The following EPHA6 variants were observed in gnomAD, a reference collection of about 807,000 sequenced individuals.
EPHA6 encodes EPH receptor A6, also known as ephrin type-A receptor 6.
A neutral mutation model predicts 112.0 loss-of-function variants in EPHA6; 50 were observed. The observed-to-expected ratio is 0.45, with a 90% CI of 0.36 to 0.56. The LOEUF (loss-of-function observed/expected upper bound fraction) is 0.56. Among genes scored for constraint, EPHA6 ranks in the 20% least tolerant of loss-of-function variants. EPHA6 has a pLI of 0.00. For synonymous variants in EPHA6, 529 were observed against 490.7 expected (o/e 1.08, Z -1.03); for missense variants, 1,280 against 1,417.4 (o/e 0.90, Z 1.56).
chr3:97,603,554 A>T (rs757444489), intron 12 of EPHA6, among the ~76,000 whole-genome samples: 1 of 151,898 alleles, frequency 6.6e-6, no homozygotes, highest in Non-Finnish European at 1.5e-5. Context: ...CATCATAGTG[A>T]CTATATAAAC....
intron 3 of EPHA6, among the ~76,000 whole-genome samples, chr3:96,996,662 C>T (rs2043435555): frequency 6.6e-6 from 1 of 152,040 alleles, no homozygotes; most frequent in Non-Finnish European, 1.5e-5. Context: ...AGCAGTAGGT[C>T]TCAACAGCAG....
chr3:96,880,162 AAAGAT>A (rs2037225801), intron 2 of EPHA6, among the ~76,000 whole-genome samples: 1 of 152,156 alleles, frequency 6.6e-6, no homozygotes. Context: ...ACCTCAAAGA[AAAGAT>A]AAATGTTTGA....
chr3:97,530,800 A>G (rs1267777182), intron 10 of EPHA6, among the ~76,000 whole-genome samples: 1 of 152,004 alleles, frequency 6.6e-6, no homozygotes, highest in East Asian at 1.9e-4. Flanking sequence ...TTTTGGAAGC[A>G]AAGTTACGCC....
At chr3:96,895,267 C>CA (rs2038204519) in intron 2 of EPHA6, among the ~76,000 whole-genome samples, 1 of 147,034 alleles carries the variant, frequency 6.8e-6, no homozygotes, top group African/African-American at 2.5e-5. Context: ...TAGTTTTTCA[C>CA]AAAAAATTAA....
At position 97,436,648 on chromosome 3, in the gene EPHA6, A is replaced by G. The variant is rs554156529; in HGVS notation, c.1732-11920A>G. Among the ~76,000 whole-genome samples, 11 of 152,302 alleles carry G rather than the reference A, an allele frequency of 7.2e-5. No individual in the cohort carries two copies. The South Asian group carries it at 2.3e-3, about 32-fold the overall frequency. On this transcript the variant is annotated intron_variant, in intron 6 of 17. Transcript: ENST00000389672. ...CAAATGATACTGTTTTTCAGTGAAG[A>G]CATTCTTGCAAAATAATTTTTCATG...
intron 3 of EPHA6, among the ~76,000 whole-genome samples, chr3:97,223,432 G>A (rs1156575559): frequency 6.6e-6 from 1 of 152,160 alleles, no homozygotes; most frequent in Non-Finnish European, 1.5e-5. Context: ...CTGAGTAAGA[G>A]CAAGTGTTAA....
At chr3:97,336,699 T>A (rs893955359) in intron 5 of EPHA6, among the ~76,000 whole-genome samples, 2 of 152,120 alleles carry the variant, frequency 1.3e-5, no homozygotes, top group Non-Finnish European at 2.9e-5. Flanking sequence ...AAGAATGAGA[T>A]CCAGGAATCA....
At chr3:97,663,970 A>G (rs916684856) in intron 14 of EPHA6, among the ~76,000 whole-genome samples, 58 of 152,228 alleles carry the variant, frequency 3.8e-4, no homozygotes, top group African/African-American at 1.3e-3. Flanking sequence ...AAGTGTTCCT[A>G]TTTCTCCACA....
chr3:97,077,851 T>C (rs1049532534), intron 3 of EPHA6, among the ~76,000 whole-genome samples: 5 of 152,194 alleles, frequency 3.3e-5, no homozygotes, highest in African/African-American at 7.2e-5. Flanking sequence ...TTGTAATAAA[T>C]ATATGTGTGC....
At chr3:97,276,389 G>A (rs189579545) in intron 5 of EPHA6, among the ~76,000 whole-genome samples, 238 of 152,172 alleles carry the variant, frequency 1.6e-3, no homozygotes, top group Middle Eastern at 6.8e-3. Context: ...GGCTTAGGAG[G>A]AATCCGGGGC....
At chr3:97,668,911 CAAAAAAA>C (rs397990599) in intron 14 of EPHA6, among the ~76,000 whole-genome samples, 33 of 31,910 alleles carry the variant, frequency 1.0e-3, no homozygotes, top group African/African-American at 1.2e-3. Context: ...GACTCTGTCT[CAAAAAAA>C]AAAAAAAAAA....
chr3:97,554,851 T>G (rs1483284657), intron 11 of EPHA6, among the ~76,000 whole-genome samples: 1 of 152,082 alleles, frequency 6.6e-6, no homozygotes, highest in East Asian at 1.9e-4. Context: ...TAAGACTTGC[T>G]AAACTTGGAG....
chr3:96,824,602 A>G (rs963159166), intron 1 of EPHA6, among the ~76,000 whole-genome samples: 2 of 152,052 alleles, frequency 1.3e-5, no homozygotes, highest in Non-Finnish European at 2.9e-5. Flanking sequence ...ACACAAAGGC[A>G]GGCCACTGCC....
chr3:97,420,175 A>G (rs2088498278), intron 6 of EPHA6, among the ~76,000 whole-genome samples: 1 of 152,148 alleles, frequency 6.6e-6, no homozygotes, highest in African/African-American at 2.4e-5. Flanking sequence ...CAATCTGGGT[A>G]TTATAAACAT....
chr3:97,097,299 A>G (rs1393288292), intron 3 of EPHA6, among the ~76,000 whole-genome samples: 1 of 151,874 alleles, frequency 6.6e-6, no homozygotes, highest in Admixed American at 6.6e-5. Context: ...TAATTGAGCC[A>G]TCAAGATTGA....
At chr3:97,071,062 G>A (rs1246642612) in intron 3 of EPHA6, among the ~76,000 whole-genome samples, 2 of 151,916 alleles carry the variant, frequency 1.3e-5, no homozygotes, top group Non-Finnish European at 2.9e-5. Flanking sequence ...GAGAAAAATA[G>A]GACTAGATCC....
intron 14 of EPHA6, among the ~76,000 whole-genome samples, chr3:97,646,591 A>T (rs11918869): frequency 6.6e-6 from 1 of 152,140 alleles, no homozygotes; most frequent in African/African-American, 2.4e-5. Flanking sequence ...GCTAATTATC[A>T]GTCCCAAAAA....
chr3:96,893,991 A>T (rs2038124404), intron 2 of EPHA6, among the ~76,000 whole-genome samples: 1 of 152,240 alleles, frequency 6.6e-6, no homozygotes, highest in Non-Finnish European at 1.5e-5. Flanking sequence ...GAAAATCTCC[A>T]ATATGGATGA....
At chr3:97,643,835 AATGG>A (rs1413919126) in intron 14 of EPHA6, among the ~76,000 whole-genome samples, 12 of 150,778 alleles carry the variant, frequency 8.0e-5, no homozygotes, top group African/African-American at 2.9e-4. Flanking sequence ...ACACATTAAT[AATGG>A]GAGACTTTAA....
Sources: gnomAD v4.1 joint callset for allele counts (sites outside exome capture counted in the v4.1 genomes callset) on GRCh38, gnomAD v4.1.1 for gene constraint, MANE v1.5 for transcripts, NCBI Gene and HGNC (gene_info 2026-07-23, HGNC 2026-07-21) for gene names.